GFM1: variants seen among roughly 807,000 people sequenced by gnomAD.
The protein encoded by GFM1 is G elongation factor mitochondrial 1.
GFM1 carries 62 observed loss-of-function variants against 96.2 expected under a neutral mutation model. That is an observed-to-expected ratio of 0.64 (90% CI 0.53 to 0.80). GFM1 has a LOEUF of 0.80. GFM1 is among the 30% of genes least tolerant of loss of function. The pLI is 0.00. For synonymous variants in GFM1, 282 were observed against 312.9 expected, an observed-to-expected ratio of 0.90 and a Z score of 1.04; for missense variants, 852 against 916.6, an observed-to-expected ratio of 0.93 and a Z score of 0.91.
At chr3:158,674,923 G>C (rs1348875024) in intron 13 of GFM1, among the ~76,000 whole-genome samples, 1 of 152,090 alleles carries the variant, frequency 6.6e-6, no homozygotes, top group Admixed American at 6.5e-5. Flanking sequence ...AAAAATCATT[G>C]TGCTTTAAAA....
Position 158,665,297 on chromosome 3 carries a change from G to A in GFM1, c.1381-40G>A, listed in dbSNP as rs556070477. 1.2e-4 allele frequency: 185 copies of A among 1,516,504 alleles called. No individual in the cohort carries two copies. The South Asian group carries it at 2.1e-3, about 17-fold the overall frequency. 93.9% of individuals were successfully genotyped at this position (1,516,504 alleles called of 1,614,324 possible). On this transcript the variant is annotated intron_variant, in intron 11 of 17. Transcript: ENST00000486715. ...TTTCTAAAATCCCATTGCTTATCAT[G>A]CTCAGTAAAACATATAGTGACTTTC...
chr3:158,691,212 C>A lies in GFM1; in HGVS notation c.2124+20C>A. Reference sequence around the variant, plus strand: ...ACAGAGGTAGGCAAATTTAAACTTACCCTTCAAAAGACCACCCTACAGAAT... The same window carrying A: ...ACAGAGGTAGGCAAATTTAAACTTAACCTTCAAAAGACCACCCTACAGAAT... On this transcript the variant is annotated intron_variant, in intron 17 of 17. Transcript: ENST00000486715. 6.2e-7 allele frequency: 1 copy of A among 1,608,564 alleles called. No homozygotes were observed. The highest frequency in any genetic ancestry group is 8.5e-7 in the Non-Finnish European group (1 of 1,175,082).
chr3:158,655,313 G>A (rs1722656582), intron 8 of GFM1, among the ~76,000 whole-genome samples: 1 of 151,978 alleles, frequency 6.6e-6, no homozygotes. Flanking sequence ...GTGAAACCCT[G>A]TCTATACTAA....
At chr3:158,663,876 A>C (rs1243708061) in intron 11 of GFM1, among the ~76,000 whole-genome samples, 2 of 152,146 alleles carry the variant, frequency 1.3e-5, no homozygotes, top group Non-Finnish European at 2.9e-5. Flanking sequence ...GGAGTAAGTT[A>C]ATTTAAATCG....
chr3:158,644,817 C>A, intron 1 of GFM1, 102 bp downstream of exon 1: 2 of 959,730 alleles, frequency 2.1e-6, no homozygotes, highest in Non-Finnish European at 3.3e-6. Flanking sequence ...TCATGACTGA[C>A]AGCTCCGAAT....
intron 1 of GFM1, chr3:158,644,940 GTCAC>G (rs1473219453): frequency 2.1e-6 from 1 of 465,702 alleles, no homozygotes; most frequent in Non-Finnish European, 3.9e-6. Context: ...AAAAGTGTCT[GTCAC>G]TCAGATACTT....
At chr3:158,654,828 C>G (rs1722612150) in intron 8 of GFM1, among the ~76,000 whole-genome samples, 197 bp downstream of exon 8, 1 of 152,188 alleles carries the variant, frequency 6.6e-6, no homozygotes, top group Admixed American at 6.5e-5. Flanking sequence ...AGTCTCTTCT[C>G]TTTGCCTGAA....
chr3:158,684,540 G>A lies in GFM1; in HGVS notation c.1781G>A (p.Cys594Tyr), dbSNP rs1576790457. ...PAVEKGFLDA[C>Y]EKGPLSGHKL... The stretch of plus-strand genomic sequence containing the variant: ...CATTAACAGGGGTTTTTAGATGCCT[G>A]CGAGAAGGGCCCTCTTTCTGGTCAC... The change falls in exon 15 of 18, where the codon TGC becomes TAC. Residue 594 changes from cysteine (C) to tyrosine (Y), a missense_variant. Transcript: ENST00000486715. The A allele has an allele frequency of 6.2e-7, 1 of 1,614,076 alleles. No individual in the cohort carries two copies. Among genetic ancestry groups the A allele is most frequent in the East Asian group, 2.2e-5 (1 of 44,886 alleles).
chr3:158,681,785 C>T (rs1383995497), intron 13 of GFM1, among the ~76,000 whole-genome samples: 1 of 152,100 alleles, frequency 6.6e-6, no homozygotes, highest in Non-Finnish European at 1.5e-5. Context: ...TGTATATTAC[C>T]TTGGGTAGTA....
At chr3:158,679,143 A>G (rs1486578934) in intron 13 of GFM1, among the ~76,000 whole-genome samples, 2 of 152,240 alleles carry the variant, frequency 1.3e-5, no homozygotes, top group Non-Finnish European at 2.9e-5. Context: ...TCTGATGCTG[A>G]TGTTTCAGCT....
chr3:158,646,927 C>T lies in GFM1; in HGVS notation c.552C>T (p.Ala184=), dbSNP rs1364753577. Residue 184 remains alanine, a synonymous_variant, in exon 4 of 18, where the codon GCC becomes GCT. Coordinates refer to ENST00000486715, the MANE Select transcript of GFM1 (RefSeq NM_024996.7). The part of the protein sequence containing the change: ...NKLDRMGSNP[A]RALQQMRSKL... The stretch of plus-strand genomic sequence containing the variant: ...TGGACCGAATGGGCTCCAACCCAGC[C>T]AGGGCCCTGCAGCAAATGAGGTAAT... 4.3e-6 allele frequency: 7 copies of T among 1,614,008 alleles called. No individual in the cohort carries two copies. The highest frequency in any genetic ancestry group is 5.1e-6 in the Non-Finnish European group (6 of 1,179,974).
intron 16 of GFM1, 94 bp downstream of exon 16, chr3:158,690,417 G>A: frequency 8.1e-7 from 1 of 1,238,164 alleles, no homozygotes; most frequent in Non-Finnish European, 1.2e-6. Flanking sequence ...ACATTTCCTT[G>A]CTGAATTTGT....
Position 158,690,139 on chromosome 3 carries a change from A to G in GFM1, c.1910-24A>G, listed in dbSNP as rs567648767. The G allele has an allele frequency of 2.2e-4, 346 of 1,538,100 alleles. 1 individual carries two copies. The highest frequency in any genetic ancestry group is 2.2e-3 in the Middle Eastern group (13 of 5,910). ...GTTGTAGTTTGTATGAAGACTAATG[A>G]ACTTTTTTTTTTTTTTAACCCAGCC... On this transcript the variant is annotated intron_variant, in intron 15 of 17. Transcript: ENST00000486715.
At chr3:158,651,854 T>G (rs996179888) in intron 5 of GFM1, among the ~76,000 whole-genome samples, 1 of 152,210 alleles carries the variant, frequency 6.6e-6, no homozygotes, top group African/African-American at 2.4e-5. Flanking sequence ...GTGGACTGTT[T>G]TAGCTCTTCC....
intron 14 of GFM1, among the ~76,000 whole-genome samples, 191 bp from the exon 15 acceptor site, chr3:158,684,333 T>G (rs1480812084): frequency 1.3e-5 from 2 of 152,036 alleles, no homozygotes; most frequent in Non-Finnish European, 2.9e-5. Context: ...AAACTATACA[T>G]GTACCCCTGA....
In GFM1 at chr3:158,652,082, A is replaced by G; in HGVS notation, c.690-14A>G. 1 of 1,613,012 alleles carries G rather than the reference A, an allele frequency of 6.2e-7. No individual in the cohort carries two copies. Among genetic ancestry groups the G allele is most frequent in the Non-Finnish European group, 8.5e-7 (1 of 1,178,982 alleles). On this transcript the variant is annotated splice_polypyrimidine_tract_variant and intron_variant, in intron 5 of 17. Transcript: ENST00000486715. ...TTGAATATCCTTAAAGCACCAAAAT[A>G]TTTGCTTTCTTAGTCAGATTGTTCG...
intron 13 of GFM1, among the ~76,000 whole-genome samples, chr3:158,667,703 G>A (rs1438379772): frequency 6.6e-6 from 1 of 152,078 alleles, no homozygotes; most frequent in African/African-American, 2.4e-5. Context: ...TGGGAGGACC[G>A]CCTGAGCCTG....
Position 158,691,154 on chromosome 3 carries a change from A to G in GFM1, c.2086A>G (p.Met696Val), listed in dbSNP as rs757799881. 2.0e-5 allele frequency: 32 copies of G among 1,611,708 alleles called. No individual in the cohort carries two copies. The South Asian group carries it at 3.3e-4, about 17-fold the overall frequency. ...TLYADVPLNDMFGYSTELRSC... is the reference protein window; with the variant it reads ...TLYADVPLNDVFGYSTELRSC... The stretch of plus-strand genomic sequence containing the variant: ...TTGTTTTCAGGTCCCTCTAAATGAT[A>G]TGTTTGGTTATTCCACTGAACTTAG... Residue 696 changes from methionine (M) to valine (V), a missense_variant, in exon 17 of 18, where the codon ATG becomes GTG. By Grantham distance (21) the Met-to-Val change is conservative. Coordinates refer to ENST00000486715, the MANE Select transcript of GFM1 (RefSeq NM_024996.7).
intron 3 of GFM1, 89 bp downstream of exon 3, chr3:158,646,386 G>A: frequency 7.5e-7 from 1 of 1,333,036 alleles, no homozygotes; most frequent in Non-Finnish European, 1.1e-6. Flanking sequence ...GTTTTTGATT[G>A]TCAAATACTC....
Sources: allele counts gnomAD v4.1 joint callset (sites outside exome capture counted in the v4.1 genomes callset), GRCh38; gene constraint gnomAD v4.1.1; transcripts MANE v1.5; gene names NCBI Gene and HGNC (gene_info 2026-07-23, HGNC 2026-07-21).